The following NEURL1B variants were observed in gnomAD, a reference collection of about 807,000 sequenced individuals.
NEURL1B encodes E3 ubiquitin-protein ligase NEURL1B.
A neutral mutation model predicts 37.4 loss-of-function variants in NEURL1B; 13 were observed. The observed-to-expected ratio is 0.35, with a 90% CI of 0.23 to 0.55. NEURL1B has a LOEUF of 0.55. Among genes scored for constraint, NEURL1B ranks in the 20% least tolerant of loss-of-function variants. The probability of loss-of-function intolerance (pLI) is 0.89; values close to 1 mark genes in which losing one functional copy is unlikely to be tolerated. For missense variants in NEURL1B, 790 were observed against 879.2 expected, an observed-to-expected ratio of 0.90 and a Z score of 1.28; for synonymous variants, 432 against 426.6, an observed-to-expected ratio of 1.01 and a Z score of -0.16.
rs1399986918 is a variant in NEURL1B at position 172,690,258 on chromosome 5, A to G, written c.*3333A>G. ...GCTCCTTGTCCTAGCAGGTTCTCAG[A>G]ACGGGGAGTCCCCTGGGATGGAGCT... On this transcript the variant is annotated 3_prime_UTR_variant, in exon 5 of 5. Coordinates refer to ENST00000369800, the MANE Select transcript of NEURL1B (RefSeq NM_001142651.3). 1 of 152,264 alleles carries G rather than the reference A, an allele frequency of 6.6e-6. No individual in the cohort carries two copies. The highest frequency in any genetic ancestry group is 2.4e-5 in the African/African-American group (1 of 41,460). 9.4% of individuals were successfully genotyped at this position (152,264 alleles called of 1,614,324 possible).
At chr5:172,652,618 A>G (rs1406840263) in intron 1 of NEURL1B, among the ~76,000 whole-genome samples, 1 of 152,200 alleles carries the variant, frequency 6.6e-6, no homozygotes, top group Admixed American at 6.5e-5. Flanking sequence ...CAAGACTCCT[A>G]GTTGACACTG....
In NEURL1B at chr5:172,647,124, A is replaced by G. The variant is rs1328801920; in HGVS notation, c.31+5687A>G. ...CAGAACAGGCTGTTTAATCTCCCCC[A>G]TGGAGAAGAGTCAGCTCTGCCTCTC... On this transcript the variant is annotated intron_variant, in intron 1 of 4. Transcript: ENST00000369800. The surrounding 1 kb of genome is among the most constrained non-coding windows in gnomAD (Gnocchi z 4.2). Among the ~76,000 whole-genome samples the G allele has an allele frequency of 1.3e-5, 2 of 152,286 alleles. No individual in the cohort carries two copies. The highest frequency in any genetic ancestry group is 2.4e-5 in the African/African-American group (1 of 41,550).
intron 1 of NEURL1B, among the ~76,000 whole-genome samples, chr5:172,645,348 C>A (rs1283202093): frequency 6.6e-6 from 1 of 152,192 alleles, no homozygotes; most frequent in Non-Finnish European, 1.5e-5. Context: ...CTGACATCCT[C>A]CCTTGCAGAG....
chr5:172,670,189 T>C lies in NEURL1B; in HGVS notation c.436T>C (p.Tyr146His). ...GGCGCTGCGCGACACGGTGCTGGCC[T>C]ACTGGGCCGACCGCCACGGCCGCGT... ...NLALRDTVLA[Y>H]WADRHGRVFY... is the part of the protein sequence containing the mutation. Residue 146 changes from tyrosine to histidine, a missense_variant, in exon 2 of 5, where the codon TAC (tyrosine) becomes CAC (histidine). By Grantham distance (83) the Tyr-to-His change is moderately conservative (BLOSUM62 2). This residue lies in a region of NEURL1B where 215 missense variants were observed against 309.2 expected (regional missense o/e 0.70). Transcript: ENST00000369800. 1 of 1,470,818 alleles carries C rather than the reference T, an allele frequency of 6.8e-7. No homozygotes were observed. Among genetic ancestry groups the C allele is most frequent in the Non-Finnish European group, 9.0e-7 (1 of 1,114,856 alleles). 91.1% of individuals were successfully genotyped at this position (1,470,818 alleles called of 1,614,324 possible).
chr5:172,675,058 T>C lies in NEURL1B; in HGVS notation c.577+4728T>C, dbSNP rs923332660. Reference sequence around the variant, plus strand: ...CTAATTTTTGTATTTTTAGTAAAGATGGGGTTTCTACTGGGTACCTGTTGG... The same window carrying C: ...CTAATTTTTGTATTTTTAGTAAAGACGGGGTTTCTACTGGGTACCTGTTGG... On this transcript the variant is annotated intron_variant, in intron 2 of 4. Transcript: ENST00000369800. The surrounding 1 kb of genome is among the most constrained non-coding windows in gnomAD (Gnocchi z 4.7). Among the ~76,000 whole-genome samples, 1 of 151,994 alleles carries C rather than the reference T, an allele frequency of 6.6e-6. No homozygotes were observed. Among genetic ancestry groups the C allele is most frequent in the Non-Finnish European group, 1.5e-5 (1 of 67,982 alleles).
rs1023638865 is a variant in NEURL1B, at chr5:172,684,039, G to C, written c.1198G>C (p.Gly400Arg). 2 of 1,334,900 alleles carry C rather than the reference G, an allele frequency of 1.5e-6. No homozygotes were observed. The highest frequency in any genetic ancestry group is 9.6e-7 in the Non-Finnish European group (1 of 1,040,220). 82.7% of individuals were successfully genotyped at this position (1,334,900 alleles called of 1,614,324 possible). Residue 400 changes from glycine (G) to arginine (R), a missense_variant, in exon 3 of 5, where the codon GGG becomes CGG. Around this residue, in one of 3 missense-constraint regions of NEURL1B, gnomAD observed 460 missense variants for 407.4 expected, o/e 1.13. Transcript: ENST00000369800. ...CGGCGACGTGCTCCTGGGCATCAAC[G>C]GGCGTCCGCGCGGCCGCCTGCTGTG... ...PGGDVLLGIN[G>R]RPRGRLLCVD...
chr5:172,671,810 C>A (rs62386675), intron 2 of NEURL1B, among the ~76,000 whole-genome samples: 1 of 152,218 alleles, frequency 6.6e-6, no homozygotes. Flanking sequence ...CACCATTGGG[C>A]AAGGAGGAAA....
intron 3 of NEURL1B, among the ~76,000 whole-genome samples, chr5:172,685,757 C>T (rs1317489465): frequency 1.3e-5 from 2 of 152,214 alleles, no homozygotes; most frequent in Admixed American, 1.3e-4. Flanking sequence ...CAGCTCCAGG[C>T]TTCCTTCCCA....
intron 1 of NEURL1B, among the ~76,000 whole-genome samples, chr5:172,642,790 C>T (rs1201295784): frequency 6.6e-6 from 1 of 152,180 alleles, no homozygotes; most frequent in East Asian, 1.9e-4. Flanking sequence ...GGGATTAGAA[C>T]CCAGGTCTGC....
At chr5:172,656,092 A>G (rs992052413) in intron 1 of NEURL1B, among the ~76,000 whole-genome samples, 2 of 152,122 alleles carry the variant, frequency 1.3e-5, no homozygotes, top group Non-Finnish European at 2.9e-5. Flanking sequence ...TCGTTCCCCT[A>G]TTGGCTAGGA....
chr5:172,673,324 A>G (rs1019832672), intron 2 of NEURL1B, among the ~76,000 whole-genome samples: 1 of 152,154 alleles, frequency 6.6e-6, no homozygotes, highest in African/African-American at 2.4e-5. Context: ...CAATGGAAAC[A>G]TAAAGAGACA....
rs534934872 is a variant in NEURL1B, at chr5:172,666,471, T to A, written c.32-3314T>A. ...GTCAGGACATTGTTGGTTGCTAGTA[T>A]CAGAAACCCAGCTCAACCTGGCTTA... On this transcript the variant is annotated intron_variant, in intron 1 of 4. Transcript: ENST00000369800. Among the ~76,000 whole-genome samples, 18 of 152,244 alleles carry A rather than the reference T, an allele frequency of 1.2e-4. No individual in the cohort carries two copies. The South Asian group carries it at 3.5e-3, about 30-fold the overall frequency.
intron 1 of NEURL1B, among the ~76,000 whole-genome samples, chr5:172,658,561 T>C (rs1285402098): frequency 1.3e-5 from 2 of 152,192 alleles, no homozygotes; most frequent in Non-Finnish European, 2.9e-5. Context: ...ACCTACCTTG[T>C]GTCAGGCACT....
At chr5:172,646,350 G>A (rs967791550) in intron 1 of NEURL1B, among the ~76,000 whole-genome samples, 1 of 152,206 alleles carries the variant, frequency 6.6e-6, no homozygotes, top group African/African-American at 2.4e-5. Flanking sequence ...CAGGATGGTA[G>A]CCATCATGGT....
At chr5:172,645,085 T>A (rs1015101526) in intron 1 of NEURL1B, among the ~76,000 whole-genome samples, 1 of 152,214 alleles carries the variant, frequency 6.6e-6, no homozygotes, top group East Asian at 1.9e-4. Flanking sequence ...CCTGGAGCTT[T>A]GGAGTGAGGA....
intron 2 of NEURL1B, among the ~76,000 whole-genome samples, chr5:172,677,691 A>T (rs1017266770): frequency 3.3e-5 from 5 of 151,912 alleles, no homozygotes; most frequent in African/African-American, 1.2e-4. Flanking sequence ...GTGGCCGTGG[A>T]TAAGGAGCTC....
chr5:172,670,778 C>T (rs112372162), intron 2 of NEURL1B, among the ~76,000 whole-genome samples: 13,129 of 152,250 alleles, frequency 0.086, 1,853 homozygotes, highest in African/African-American at 0.3. Context: ...CACACGCTTC[C>T]ATTTGCTCAT....
chr5:172,678,000 C>T (rs1300529096), intron 2 of NEURL1B, among the ~76,000 whole-genome samples: 1 of 152,170 alleles, frequency 6.6e-6, no homozygotes, highest in Non-Finnish European at 1.5e-5. Flanking sequence ...CCTGAGCCTA[C>T]ATCCTGGGCC....
chr5:172,677,256 G>T (rs1202713462), intron 2 of NEURL1B, among the ~76,000 whole-genome samples: 2 of 152,212 alleles, frequency 1.3e-5, no homozygotes, highest in Non-Finnish European at 2.9e-5. Flanking sequence ...TAAATCATTT[G>T]CATGGCAGGG....
Sources: gnomAD v4.1 joint callset for allele counts (sites outside exome capture counted in the v4.1 genomes callset) on GRCh38, gnomAD v4.1.1 for gene constraint, gnomAD v4.1.1 regional missense constraint, Gnocchi (gnomAD v3.1) non-coding constraint, MANE v1.5 for transcripts, NCBI Gene and HGNC (gene_info 2026-07-23, HGNC 2026-07-21) for gene names.